MOB3B: variants seen among roughly 807,000 people sequenced by gnomAD.
MOB3B encodes the protein MOB kinase activator-like 2B.
MOB3B carries 7 observed loss-of-function variants against 18.7 expected under a neutral mutation model. The ratio of observed to expected loss-of-function variants is 0.37; its 90% CI spans 0.21 to 0.70. MOB3B has a LOEUF of 0.70. Ranked by LOEUF, MOB3B falls within the 30% of genes least tolerant of loss-of-function variation. The probability of loss-of-function intolerance (pLI) is 0.52; values close to 1 mark genes in which losing one functional copy is unlikely to be tolerated. For missense variants in MOB3B, 253 were observed against 281.3 expected (o/e 0.90, Z 0.72); for synonymous variants, 111 against 99.9 (o/e 1.11, Z -0.66).
intron 1 of MOB3B, among the ~76,000 whole-genome samples, chr9:27,500,222 G>C (rs991164801): frequency 2.4e-4 from 37 of 152,144 alleles, no homozygotes; most frequent in African/African-American, 7.9e-4. Context: ...TGCTGGGTTG[G>C]GGGGTGGGGA....
chr9:27,475,207 G>A (rs1226855864), intron 1 of MOB3B, among the ~76,000 whole-genome samples: 1 of 152,234 alleles, frequency 6.6e-6, no homozygotes, highest in Non-Finnish European at 1.5e-5. Context: ...CAGGCCAACA[G>A]TTCACCAGGA....
chr9:27,355,520 G>A (rs1325830981), intron 3 of MOB3B, among the ~76,000 whole-genome samples: 3 of 151,242 alleles, frequency 2.0e-5, no homozygotes, highest in Admixed American at 6.6e-5. Flanking sequence ...TTTTCAGACT[G>A]TATTGTAAAT....
intron 1 of MOB3B, among the ~76,000 whole-genome samples, chr9:27,489,655 G>T (rs1819784131): frequency 6.6e-6 from 1 of 150,930 alleles, no homozygotes; most frequent in Admixed American, 6.6e-5. Flanking sequence ...AGCTTCCAGG[G>T]CACTGGAGCT....
intron 2 of MOB3B, among the ~76,000 whole-genome samples, chr9:27,449,985 A>T (rs993093043): frequency 3.0e-4 from 22 of 73,118 alleles, no homozygotes; most frequent in East Asian, 1.4e-3. Flanking sequence ...CTCAAAAATT[A>T]AAAAAAAAAA....
chr9:27,524,446 T>C (rs769591520), intron 1 of MOB3B: 1 of 1,614,128 alleles, frequency 6.2e-7, no homozygotes, highest in Non-Finnish European at 8.5e-7. Context: ...AACGTTCACC[T>C]GAGAAGAGTC....
chr9:27,377,698 T>C (rs1452781403), intron 2 of MOB3B, among the ~76,000 whole-genome samples: 1 of 152,228 alleles, frequency 6.6e-6, no homozygotes, highest in Non-Finnish European at 1.5e-5. Flanking sequence ...GCAAAGTTCA[T>C]GAAACTGCAA....
intron 2 of MOB3B, among the ~76,000 whole-genome samples, chr9:27,452,206 G>GTCCATCCA (rs74178389): frequency 8.6e-5 from 13 of 151,644 alleles, no homozygotes; most frequent in African/African-American, 9.7e-5. Flanking sequence ...CCACCCACCC[G>GTCCATCCA]TCCATCCATC....
At chr9:27,458,279 C>A (rs1819218685) in intron 1 of MOB3B, among the ~76,000 whole-genome samples, 1 of 152,020 alleles carries the variant, frequency 6.6e-6, no homozygotes, top group African/African-American at 2.4e-5. Flanking sequence ...CTTGCATGGA[C>A]ACCATTGTGG....
chr9:27,379,248 G>A, intron 2 of MOB3B, among the ~76,000 whole-genome samples: 1 of 152,150 alleles, frequency 6.6e-6, no homozygotes, highest in East Asian at 1.9e-4. Context: ...TGGCTCTTGG[G>A]TGCATCTCAG....
At chr9:27,424,161 T>C (rs1308403130) in intron 2 of MOB3B, among the ~76,000 whole-genome samples, 1 of 152,212 alleles carries the variant, frequency 6.6e-6, no homozygotes, top group African/African-American at 2.4e-5. Context: ...TGACATCCCC[T>C]ATGCTTAGGT....
At chr9:27,446,372 G>A (rs904155857) in intron 2 of MOB3B, among the ~76,000 whole-genome samples, 4 of 152,180 alleles carry the variant, frequency 2.6e-5, no homozygotes, top group Admixed American at 2.6e-4. Flanking sequence ...AGATGGAACT[G>A]GCTTTGTGCA....
chr9:27,485,862 A>G (rs1389694407), intron 1 of MOB3B, among the ~76,000 whole-genome samples: 1 of 152,218 alleles, frequency 6.6e-6, no homozygotes, highest in African/African-American at 2.4e-5. Flanking sequence ...ACTCACCAAC[A>G]CTATTGCTAA....
At chr9:27,416,146 T>G (rs55737853) in intron 2 of MOB3B, among the ~76,000 whole-genome samples, 49,072 of 152,020 alleles carry the variant, frequency 0.32, 8,338 homozygotes, top group Non-Finnish European at 0.37. Flanking sequence ...TATTGAATTC[T>G]GAATAACTAC....
rs200460116 is a variant in MOB3B at position 27,527,200 on chromosome 9, T to A, written c.-199+2355A>T. Among the ~76,000 whole-genome samples, 6 of 152,284 alleles carry A rather than the reference T, an allele frequency of 3.9e-5. No individual in the cohort carries two copies. In the East Asian group the frequency reaches 1.2e-3, roughly 29 times the overall value. On this transcript the variant is annotated intron_variant, in intron 1 of 3. Transcript: ENST00000262244. ...TAGCGGGGTAGGCCAAGACAAGAAA[T>A]GCTCTTTTATTTTGTTAATGATGCC...
chr9:27,422,818 A>T (rs1044916702), intron 2 of MOB3B, among the ~76,000 whole-genome samples: 10 of 152,252 alleles, frequency 6.6e-5, no homozygotes, highest in African/African-American at 2.2e-4. Context: ...TAAAATTATT[A>T]AATGTACACA....
intron 2 of MOB3B, among the ~76,000 whole-genome samples, chr9:27,390,219 C>T (rs1821708424): frequency 6.6e-6 from 1 of 152,052 alleles, no homozygotes; most frequent in Non-Finnish European, 1.5e-5. Context: ...TCCTGAGTAG[C>T]TGAGATCACA....
At chr9:27,418,703 T>C (rs1331586426) in intron 2 of MOB3B, among the ~76,000 whole-genome samples, 1 of 152,220 alleles carries the variant, frequency 6.6e-6, no homozygotes, top group Non-Finnish European at 1.5e-5. Context: ...AAAAGCCATC[T>C]ATGACAAATC....
intron 2 of MOB3B, among the ~76,000 whole-genome samples, chr9:27,368,689 C>T (rs1417226189): frequency 6.6e-6 from 1 of 152,200 alleles, no homozygotes; most frequent in Non-Finnish European, 1.5e-5. Flanking sequence ...GTGCTGTCCT[C>T]CAGTCTGTTA....
In MOB3B at chr9:27,475,279, G is replaced by A. The variant is rs192869882; in HGVS notation, c.-198-19531C>T. ...GGCGGCTCCTTCCCAGTCAAACCTT[G>A]ATACAGCTGCAGCCTCAGCCTTGGG... On this transcript the variant is annotated intron_variant, in intron 1 of 3. Transcript: ENST00000262244. Among the ~76,000 whole-genome samples the A allele has an allele frequency of 1.5e-3, 236 of 152,356 alleles. 2 individuals are homozygous for A. Among genetic ancestry groups the A allele is most frequent in the African/African-American group, 5.3e-3 (220 of 41,582 alleles).
Sources: allele counts gnomAD v4.1 joint callset (sites outside exome capture counted in the v4.1 genomes callset), GRCh38; gene constraint gnomAD v4.1.1; transcripts MANE v1.5; gene names NCBI Gene and HGNC (gene_info 2026-07-23, HGNC 2026-07-21).